The following DLC1 variants were observed in gnomAD, a reference collection of about 807,000 sequenced individuals.
DLC1 encodes the protein DLC1 Rho GTPase activating protein, also known as rho GTPase-activating protein 7.
Under a neutral mutation model 140.3 loss-of-function variants are expected in DLC1, and 54 were observed. That is an observed-to-expected ratio of 0.38 (90% CI 0.31 to 0.48). The LOEUF (loss-of-function observed/expected upper bound fraction) is 0.48, where lower values mean the gene tolerates loss of function less well. Ranked by LOEUF, DLC1 falls within the 20% of genes least tolerant of loss-of-function variation. DLC1 has a pLI of 0.96. For synonymous variants in DLC1, 986 were observed against 728.1 expected (o/e 1.35, Z -5.70); for missense variants, 2,536 against 1,907.0 (o/e 1.33, Z -6.14).
intron 4 of DLC1, among the ~76,000 whole-genome samples, chr8:13,367,356 C>T (rs4102144): frequency 0.15 from 22,353 of 152,104 alleles, 1,776 homozygotes; most frequent in South Asian, 0.19. Context: ...TGATTCTACA[C>T]TGTCCTTAAA....
At chr8:13,603,345 A>G (rs1055403778) in intron 1 of DLC1, among the ~76,000 whole-genome samples, 1 of 151,788 alleles carries the variant, frequency 6.6e-6, no homozygotes, top group Admixed American at 6.6e-5. Flanking sequence ...TCTTACACAC[A>G]ATTCACTGAT....
intron 2 of DLC1, among the ~76,000 whole-genome samples, chr8:13,450,056 A>T (rs985593654): frequency 1.3e-5 from 2 of 152,114 alleles, no homozygotes; most frequent in Non-Finnish European, 2.9e-5. Flanking sequence ...TTAGCTCCTT[A>T]TTTAGTAAAA....
chr8:13,226,869 G>A (rs979249796), intron 5 of DLC1, among the ~76,000 whole-genome samples: 3 of 152,148 alleles, frequency 2.0e-5, no homozygotes, highest in Non-Finnish European at 2.9e-5. Context: ...CCTGGGTATA[G>A]CCTTGATTGG....
chr8:13,396,777 C>T (rs1352447129), intron 3 of DLC1, among the ~76,000 whole-genome samples: 1 of 152,116 alleles, frequency 6.6e-6, no homozygotes, highest in Non-Finnish European at 1.5e-5. Flanking sequence ...TTATTATTTT[C>T]TCTTCTGTTC....
In DLC1 at chr8:13,568,576, G is replaced by A. The variant is rs1444055052; in HGVS notation, c.-126+35961C>T. On this transcript the variant is annotated intron_variant, in intron 1 of 1. Coordinates refer to the DLC1 transcript ENST00000631382. ...AAGTTGAAGCCGTAGATTGTCAAGC[G>A]TTTTTGGAAATGAATAAGAAGAGAA... Among the ~76,000 whole-genome samples, 8 of 83,014 alleles carry A rather than the reference G, an allele frequency of 9.6e-5. No individual in the cohort carries two copies. In the Admixed American group the frequency reaches 1.0e-3, roughly 11 times the overall value. 54.5% of individuals were successfully genotyped at this position (83,014 alleles called of 152,430 possible).
At chr8:13,320,123 C>T (rs1053079216) in intron 4 of DLC1, among the ~76,000 whole-genome samples, 1 of 152,068 alleles carries the variant, frequency 6.6e-6, no homozygotes, top group African/African-American at 2.4e-5. Context: ...TTATTTAATT[C>T]TATAACCTTA....
intron 1 of DLC1, among the ~76,000 whole-genome samples, chr8:13,527,172 T>C (rs1361476531): frequency 6.6e-6 from 1 of 152,180 alleles, no homozygotes; most frequent in African/African-American, 2.4e-5. Flanking sequence ...TAGGATACAA[T>C]CTACATTACA....
At chr8:13,272,046 C>A (rs1214910135) in intron 5 of DLC1, among the ~76,000 whole-genome samples, 1 of 152,158 alleles carries the variant, frequency 6.6e-6, no homozygotes. Context: ...TAGACTTTTT[C>A]CCTTATATGT....
intron 4 of DLC1, among the ~76,000 whole-genome samples, chr8:13,325,725 A>G (rs1833314492): frequency 6.6e-6 from 1 of 152,228 alleles, no homozygotes; most frequent in African/African-American, 2.4e-5. Context: ...AGTTCAGGAG[A>G]GAATATTCTC....
rs184441022 is a variant in DLC1 at position 13,097,921 on chromosome 8, C to T, written c.3167+478G>A. On this transcript the variant is annotated intron_variant, in intron 10 of 17. Transcript: ENST00000276297. ...AGAGAGTGGCTGGCGTGGTGGCTCA[C>T]GCCTGTAATTCCAGCAACTTGGGAG... is the stretch of plus-strand genomic sequence containing the variant. Among the ~76,000 whole-genome samples, 535 of 151,440 alleles carry T rather than the reference C, an allele frequency of 3.5e-3. 1 individual carries two copies. Among genetic ancestry groups the T allele is most frequent in the African/African-American group, 0.012 (506 of 41,282 alleles).
At chr8:13,259,823 C>G (rs535006302) in intron 5 of DLC1, among the ~76,000 whole-genome samples, 1 of 150,960 alleles carries the variant, frequency 6.6e-6, no homozygotes, top group Non-Finnish European at 1.5e-5. Context: ...TAAGTGTATT[C>G]CTATCTACTT....
intron 10 of DLC1, among the ~76,000 whole-genome samples, chr8:13,097,271 T>TTATTATTATTAC (rs1818584181): frequency 6.6e-6 from 1 of 150,874 alleles, no homozygotes. Context: ...ATTATTATTA[T>TTATTATTATTAC]TATTTTTTGA....
At chr8:13,208,598 C>T (rs942960717) in intron 5 of DLC1, among the ~76,000 whole-genome samples, 2 of 152,090 alleles carry the variant, frequency 1.3e-5, no homozygotes, top group African/African-American at 4.8e-5. Flanking sequence ...CGAACTTCTG[C>T]TTCCTTTCTG....
rs139628612 is a variant in DLC1, at chr8:13,401,535, C to G, written c.1108G>C (p.Glu370Gln). Residue 370 changes from glutamate to glutamine, a missense_variant, in exon 3 of 18, where the codon GAA becomes CAA. Transcript: ENST00000276297. Reference protein sequence around the residue: ...MKLDQLDQDIENALSTSSSPS... With the variant: ...MKLDQLDQDIQNALSTSSSPS... ...GAGGAGCTGGTGCTGAGGGCATTTT[C>G]TATGTCCTGATCAAGCTGGTCCAGT... 3 of 1,613,404 alleles carry G rather than the reference C, an allele frequency of 1.9e-6. No individual in the cohort carries two copies. Among genetic ancestry groups the G allele is most frequent in the Non-Finnish European group, 2.5e-6 (3 of 1,180,008 alleles).
At chr8:13,481,167 G>A (rs1376234232) in intron 2 of DLC1, among the ~76,000 whole-genome samples, 1 of 152,170 alleles carries the variant, frequency 6.6e-6, no homozygotes, top group East Asian at 1.9e-4. Context: ...GCTCACGCCT[G>A]TAATCCCAGT....
chr8:13,351,247 C>A (rs1443161236), intron 4 of DLC1, among the ~76,000 whole-genome samples: 1 of 152,048 alleles, frequency 6.6e-6, no homozygotes, highest in Non-Finnish European at 1.5e-5. Flanking sequence ...TACAATAGAC[C>A]AAGGGGAAAA....
intron 1 of DLC1, among the ~76,000 whole-genome samples, chr8:13,591,392 C>T (rs867818405): frequency 1.3e-5 from 2 of 152,078 alleles, no homozygotes; most frequent in Admixed American, 1.3e-4. Context: ...ATCACGAGAT[C>T]TGATGGTTTT....
chr8:13,488,897 TAATA>T (rs1390021095), intron 2 of DLC1, among the ~76,000 whole-genome samples: 1 of 152,204 alleles, frequency 6.6e-6, no homozygotes, highest in African/African-American at 2.4e-5. Flanking sequence ...AAAGAGAAGA[TAATA>T]AATATTTAGC....
chr8:13,118,004 CTTTTTTTTTTT>C (rs35775672), intron 5 of DLC1, among the ~76,000 whole-genome samples: 3 of 114,970 alleles, frequency 2.6e-5, no homozygotes, highest in South Asian at 2.7e-4. Context: ...TGTTCTCTTT[CTTTTTTTTTTT>C]TTTTTTTTTT....
Sources: allele counts gnomAD v4.1 joint callset (sites outside exome capture counted in the v4.1 genomes callset), GRCh38; gene constraint gnomAD v4.1.1; transcripts MANE v1.5; gene names NCBI Gene and HGNC (gene_info 2026-07-23, HGNC 2026-07-21).